The following SEMA6D variants were observed in gnomAD, a reference collection of about 807,000 sequenced individuals.
SEMA6D encodes semaphorin 6D, also known as semaphorin-6D.
A neutral mutation model predicts 106.6 loss-of-function variants in SEMA6D; 35 were observed. That is an observed-to-expected ratio of 0.33 (90% CI 0.25 to 0.44). SEMA6D has a LOEUF of 0.44. Among genes scored for constraint, SEMA6D ranks in the 20% least tolerant of loss-of-function variants. The probability of loss-of-function intolerance (pLI) is 1.00; values close to 1 mark genes in which losing one functional copy is unlikely to be tolerated. For synonymous variants in SEMA6D, 499 were observed against 487.7 expected (o/e 1.02, Z -0.31); for missense variants, 1,185 against 1,345.9 (o/e 0.88, Z 1.87).
chr15:47,391,931 C>T (rs1163537985), intron 1 of SEMA6D, among the ~76,000 whole-genome samples: 1 of 152,088 alleles, frequency 6.6e-6, no homozygotes, highest in African/African-American at 2.4e-5. Context: ...ATATTTACTC[C>T]CTAAAATGCA....
chr15:47,258,030 A>G (rs1422917596), intron 1 of SEMA6D, among the ~76,000 whole-genome samples: 1 of 152,136 alleles, frequency 6.6e-6, no homozygotes, highest in African/African-American at 2.4e-5. Context: ...TCTGTAGCCT[A>G]CTTTATTGGA....
At chr15:47,755,970 A>G (rs765823357) in intron 1 of SEMA6D, among the ~76,000 whole-genome samples, 3 of 152,026 alleles carry the variant, frequency 2.0e-5, no homozygotes, top group African/African-American at 4.8e-5. Context: ...CCCTTCTCCC[A>G]AGTATCCTGT....
At chr15:47,703,517 A>G (rs1011301979) in intron 4 of SEMA6D, among the ~76,000 whole-genome samples, 2 of 152,192 alleles carry the variant, frequency 1.3e-5, no homozygotes, top group Non-Finnish European at 1.5e-5. Flanking sequence ...CTGTGGAAAA[A>G]AAAATGAAAG....
intron 1 of SEMA6D, among the ~76,000 whole-genome samples, chr15:47,342,704 C>T (rs185025168): frequency 1.3e-5 from 2 of 151,954 alleles, no homozygotes; most frequent in Admixed American, 1.3e-4. Flanking sequence ...CTAAATCGCT[C>T]AAATTACTAT....
intron 1 of SEMA6D, among the ~76,000 whole-genome samples, chr15:47,238,153 A>G (rs1315494815): frequency 1.3e-5 from 2 of 152,174 alleles, no homozygotes; most frequent in Non-Finnish European, 2.9e-5. Flanking sequence ...AAATAAAGAC[A>G]TCATTAATAT....
chr15:47,653,591 A>G (rs1566962735), intron 4 of SEMA6D, among the ~76,000 whole-genome samples: 1 of 152,228 alleles, frequency 6.6e-6, no homozygotes, highest in Non-Finnish European at 1.5e-5. Context: ...ACCCAGAGCC[A>G]TTGCAAAGCT....
intron 1 of SEMA6D, among the ~76,000 whole-genome samples, chr15:47,187,687 C>A (rs1211503230): frequency 6.6e-6 from 1 of 151,996 alleles, no homozygotes; most frequent in Non-Finnish European, 1.5e-5. Flanking sequence ...AAATTAATTG[C>A]CTTTTAAATT....
intron 1 of SEMA6D, among the ~76,000 whole-genome samples, chr15:47,249,449 T>C (rs551466852): frequency 0.012 from 1,772 of 152,130 alleles, 33 homozygotes; most frequent in Admixed American, 0.012. Context: ...ATCATGTTTT[T>C]TTTTTTCTGT....
intron 2 of SEMA6D, among the ~76,000 whole-genome samples, chr15:47,461,942 C>T (rs1425474455): frequency 6.6e-6 from 1 of 151,976 alleles, no homozygotes; most frequent in Non-Finnish European, 1.5e-5. Flanking sequence ...AAGGTTTGAT[C>T]CTGCCACATG....
intron 4 of SEMA6D, among the ~76,000 whole-genome samples, chr15:47,633,717 G>A (rs2077331118): frequency 6.6e-6 from 1 of 152,162 alleles, no homozygotes; most frequent in Non-Finnish European, 1.5e-5. Context: ...GCAGTTTTCA[G>A]TACAATGCTC....
At chr15:47,732,937 A>G (rs981287545) in intron 1 of SEMA6D, among the ~76,000 whole-genome samples, 7 of 152,204 alleles carry the variant, frequency 4.6e-5, no homozygotes, top group African/African-American at 1.7e-4. Context: ...CCAGATTAAC[A>G]CTTTGAAACA....
chr15:47,185,581 C>T (rs1255949940), intron 1 of SEMA6D: 2 of 152,022 alleles, frequency 1.3e-5, no homozygotes, highest in Non-Finnish European at 2.9e-5. Context: ...GAGGAGAATC[C>T]ATTTTTGAAA....
intron 1 of SEMA6D, among the ~76,000 whole-genome samples, chr15:47,328,942 T>G (rs1196132419): frequency 6.6e-6 from 1 of 152,236 alleles, no homozygotes; most frequent in Non-Finnish European, 1.5e-5. Flanking sequence ...CAAGACATAG[T>G]TCATTCATCA....
chr15:47,598,597 G>A (rs1413976446), intron 3 of SEMA6D, among the ~76,000 whole-genome samples: 1 of 152,048 alleles, frequency 6.6e-6, no homozygotes, highest in African/African-American at 2.4e-5. Context: ...TCATCTCTCT[G>A]CATAAAAGCG....
At chr15:47,276,454 T>G (rs907063326) in intron 1 of SEMA6D, among the ~76,000 whole-genome samples, 2 of 152,168 alleles carry the variant, frequency 1.3e-5, no homozygotes, top group Non-Finnish European at 2.9e-5. Flanking sequence ...TTGAAGCCAA[T>G]GCTCATTTGC....
At chr15:47,530,359 A>T (rs2044917266) in intron 3 of SEMA6D, among the ~76,000 whole-genome samples, 1 of 152,258 alleles carries the variant, frequency 6.6e-6, no homozygotes, top group African/African-American at 2.4e-5. Context: ...ATGCATTAAT[A>T]GATTTCATTC....
intron 1 of SEMA6D, among the ~76,000 whole-genome samples, chr15:47,323,835 A>G (rs1391910750): frequency 2.0e-5 from 3 of 152,212 alleles, no homozygotes; most frequent in Non-Finnish European, 4.4e-5. Context: ...TCTATTTTAT[A>G]TCTACTAAAA....
intron 1 of SEMA6D, among the ~76,000 whole-genome samples, chr15:47,313,681 C>T (rs1458446657): frequency 2.0e-5 from 3 of 152,188 alleles, no homozygotes; most frequent in African/African-American, 7.2e-5. Context: ...CCTCCCACCT[C>T]AGCCTTCCGT....
intron 4 of SEMA6D, among the ~76,000 whole-genome samples, chr15:47,669,958 G>A (rs1344005180): frequency 6.6e-6 from 1 of 152,218 alleles, no homozygotes; most frequent in Non-Finnish European, 1.5e-5. Context: ...CTGACATCCA[G>A]TCCCTGTCCT....
Sources: allele counts gnomAD v4.1 joint callset (sites outside exome capture counted in the v4.1 genomes callset), GRCh38; gene constraint gnomAD v4.1.1; transcripts MANE v1.5; gene names NCBI Gene and HGNC (gene_info 2026-07-23, HGNC 2026-07-21).